Variants in IL1RAPL1 observed in about 807,000 individuals in gnomAD.
The protein encoded by IL1RAPL1 is interleukin-1 receptor accessory protein-like 1.
A neutral mutation model predicts 48.4 loss-of-function variants in IL1RAPL1; 3 were observed. That is an observed-to-expected ratio of 0.06 (90% CI 0.03 to 0.16). IL1RAPL1 has a LOEUF of 0.16. IL1RAPL1 is among the 10% of genes least tolerant of loss of function. The probability of loss-of-function intolerance (pLI) is 1.00; values close to 1 mark genes in which losing one functional copy is unlikely to be tolerated. For synonymous variants in IL1RAPL1, 185 were observed against 187.7 expected (o/e 0.99, Z 0.12); for missense variants, 349 against 530.6 (o/e 0.66, Z 3.36).
chrX:28,826,871 G>GGTACT (rs1936999019), intron 2 of IL1RAPL1, among the ~76,000 whole-genome samples: 1 of 111,003 alleles, frequency 9.0e-6, no homozygotes, highest in Admixed American at 9.6e-5. Flanking sequence ...TAGTAATATA[G>GGTACT]GGAGAGAGAA....
At chrX:29,862,860 T>C (rs1167374446) in intron 6 of IL1RAPL1, among the ~76,000 whole-genome samples, 1 of 107,337 alleles carries the variant, frequency 9.3e-6, no homozygotes, top group Non-Finnish European at 1.9e-5. Flanking sequence ...TGATAGACTC[T>C]CCCGAAAACT....
At chrX:28,685,445 T>G (rs1346489006) in intron 1 of IL1RAPL1, among the ~76,000 whole-genome samples, 1 of 112,640 alleles carries the variant, frequency 8.9e-6, no homozygotes, top group African/African-American at 3.2e-5. Flanking sequence ...TCTTAATGGT[T>G]TTCTAATTTA....
rs1324072188 is a variant in IL1RAPL1 at position 28,792,836 on chromosome X, TATATATATATATATAA to T, written c.82+3413_82+3428del. On this transcript the variant is annotated intron_variant, in intron 2 of 10. Transcript: ENST00000378993. Reference sequence around the variant, plus strand: ...AAAAAAATATATATATATATATATATATATATATATATATAAAAAATAAGGCAATTATATCATTATA... The same window carrying T: ...AAAAAAATATATATATATATATATATAAAATAAGGCAATTATATCATTATA... 2.9e-3 allele frequency among the ~76,000 whole-genome samples: 175 copies of T among 60,334 alleles called. 4 individuals are homozygous for T. Among genetic ancestry groups the T allele is most frequent in the African/African-American group, 0.012 (146 of 12,340 alleles). 52.4% of individuals were successfully genotyped at this position (60,334 alleles called of 115,157 possible). A position where few individuals can be genotyped will look rare whatever the true frequency, so the allele number is the denominator to read the frequency against.
chrX:29,668,467 T>C lies in IL1RAPL1; in HGVS notation c.741T>C (p.Pro247=). 8.3e-7 allele frequency: 1 copy of C among 1,209,406 alleles called. No individual in the cohort carries two copies. Among genetic ancestry groups the C allele is most frequent in the East Asian group, 3.0e-5 (1 of 33,824 alleles). The part of the protein sequence containing the change: ...LTDKPPKLLY[P]MESKLTIQET... ...ATAAGCCACCCAAGCTTTTGTATCC[T>C]ATGGAAAGTAAACTGACAATTCAGG... The change falls in exon 6 of 11, where the codon CCT becomes CCC. Residue 247 remains proline, a synonymous_variant. Transcript: ENST00000378993.
intron 6 of IL1RAPL1, among the ~76,000 whole-genome samples, chrX:29,908,521 A>T (rs59214740): frequency 0.18 from 20,221 of 109,721 alleles, 1,518 homozygotes; most frequent in African/African-American, 0.26. Context: ...AGTTCTATCC[A>T]AATATATTGA....
chrX:29,802,823 A>ATGTG (rs1369286541), intron 6 of IL1RAPL1, among the ~76,000 whole-genome samples: 3 of 78,623 alleles, frequency 3.8e-5, no homozygotes, highest in Admixed American at 1.4e-4. Context: ...GTGTATATAT[A>ATGTG]TGTATACATA....
intron 2 of IL1RAPL1, among the ~76,000 whole-genome samples, chrX:29,136,902 A>G (rs1929140226): frequency 9.0e-6 from 1 of 111,564 alleles, no homozygotes; most frequent in African/African-American, 3.3e-5. Flanking sequence ...TTGGCCTAAT[A>G]TTACATAGCT....
chrX:29,101,967 T>C (rs1193320749), intron 2 of IL1RAPL1, among the ~76,000 whole-genome samples: 1 of 111,513 alleles, frequency 9.0e-6, no homozygotes, highest in Non-Finnish European at 1.9e-5. Flanking sequence ...ATATCATTTA[T>C]CATGACCAAG....
intron 2 of IL1RAPL1, among the ~76,000 whole-genome samples, chrX:29,258,207 G>A (rs1370737047): frequency 2.7e-5 from 3 of 110,263 alleles, no homozygotes; most frequent in Non-Finnish European, 5.7e-5. Context: ...CCACGTTGTC[G>A]CTTTAAAAAA....
chrX:29,573,992 G>A lies in IL1RAPL1; in HGVS notation c.704-94438G>A, dbSNP rs140033293. On this transcript the variant is annotated intron_variant, in intron 5 of 10. Coordinates refer to ENST00000378993, the MANE Select transcript of IL1RAPL1 (RefSeq NM_014271.4). ...TATCCCTTGAAGGTCTTTGGAAGCT[G>A]TATTAGTCCATTCTCACATTGCTAT... Among the ~76,000 whole-genome samples, 106 of 111,006 alleles carry A rather than the reference G, an allele frequency of 9.5e-4. No individual in the cohort carries two copies. In the East Asian group the frequency reaches 0.011, roughly 12 times the overall value.
At chrX:29,337,297 G>T (rs889370319) in intron 3 of IL1RAPL1, among the ~76,000 whole-genome samples, 1 of 111,819 alleles carries the variant, frequency 8.9e-6, no homozygotes, top group Non-Finnish European at 1.9e-5. Flanking sequence ...TTTATCAGTT[G>T]AACACTGTCA....
chrX:28,721,597 A>C (rs1458585346), intron 1 of IL1RAPL1, among the ~76,000 whole-genome samples: 5 of 110,939 alleles, frequency 4.5e-5, no homozygotes, highest in Admixed American at 9.6e-5. Flanking sequence ...TCTTTAGTTT[A>C]ATTAGATCCC....
At chrX:29,562,099 ATCTATCTATCTATCTAATCT>A (rs1569339303) in intron 5 of IL1RAPL1, among the ~76,000 whole-genome samples, 60 of 72,516 alleles carry the variant, frequency 8.3e-4, no homozygotes, top group African/African-American at 3.4e-3. Flanking sequence ...CTGTCTATCT[ATCTATCTATCTATCTAATCT>A]ATCTATCTAT....
At chrX:28,928,955 C>T (rs1923816238) in intron 2 of IL1RAPL1, among the ~76,000 whole-genome samples, 1 of 111,818 alleles carries the variant, frequency 8.9e-6, no homozygotes, top group South Asian at 3.7e-4. Flanking sequence ...AAGTATCAGG[C>T]GATATTTAAC....
chrX:29,125,469 A>G (rs1379598830), intron 2 of IL1RAPL1, among the ~76,000 whole-genome samples: 1 of 112,177 alleles, frequency 8.9e-6, no homozygotes, highest in Admixed American at 9.5e-5. Flanking sequence ...CATCATTATT[A>G]TATTACACAT....
chrX:29,381,833 AATAT>A (rs35091339), intron 3 of IL1RAPL1, among the ~76,000 whole-genome samples: 57 of 25,380 alleles, frequency 2.2e-3, no homozygotes, highest in South Asian at 7.5e-3. Flanking sequence ...AAAAAAAAAA[AATAT>A]ATATATATAT....
intron 6 of IL1RAPL1, among the ~76,000 whole-genome samples, chrX:29,783,146 C>T (rs1168266696): frequency 1.8e-5 from 2 of 109,463 alleles, no homozygotes; most frequent in Admixed American, 9.8e-5. Context: ...CCTCGTGATC[C>T]GCCCGCCTCG....
At chrX:29,124,639 A>G (rs1212149223) in intron 2 of IL1RAPL1, among the ~76,000 whole-genome samples, 1 of 112,254 alleles carries the variant, frequency 8.9e-6, no homozygotes, top group Non-Finnish European at 1.9e-5. Flanking sequence ...TGAAATTGTT[A>G]GTCTTATAAA....
intron 8 of IL1RAPL1, among the ~76,000 whole-genome samples, chrX:29,925,754 G>A (rs1302628408): frequency 9.1e-6 from 1 of 109,636 alleles, no homozygotes; most frequent in Admixed American, 9.8e-5. Context: ...TTCCCAGGCT[G>A]GTCTTGAACT....
Sources: allele counts gnomAD v4.1 joint callset (sites outside exome capture counted in the v4.1 genomes callset), GRCh38; gene constraint gnomAD v4.1.1; transcripts MANE v1.5; gene names NCBI Gene and HGNC (gene_info 2026-07-23, HGNC 2026-07-21).